Variants in KCNA2 observed in about 807,000 individuals in gnomAD.
KCNA2 encodes potassium channel, voltage gated shaker related subfamily A, member 2.
In KCNA2, 11 loss-of-function variants were observed where a neutral mutation model predicts 33.4. The ratio of observed to expected loss-of-function variants is 0.33; its 90% CI spans 0.21 to 0.55. The LOEUF is 0.55. Among genes scored for constraint, KCNA2 ranks in the 20% least tolerant of loss-of-function variants. KCNA2 has a pLI of 0.93. For missense variants in KCNA2, 291 were observed against 621.6 expected, an observed-to-expected ratio of 0.47 and a Z score of 5.66; for synonymous variants, 222 against 231.3, an observed-to-expected ratio of 0.96 and a Z score of 0.37.
chr1:110,626,041 G>A (rs561611926), intron 1 of KCNA2, among the ~76,000 whole-genome samples: 22 of 152,232 alleles, frequency 1.4e-4, no homozygotes, highest in African/African-American at 5.3e-4. Context: ...GGCCAATTTG[G>A]CAACAGTTTT....
upstream of KCNA2, among the ~76,000 whole-genome samples, chr1:110,611,148 G>C (rs551431587): frequency 2.0e-5 from 3 of 152,318 alleles, no homozygotes; most frequent in Non-Finnish European, 4.4e-5. Flanking sequence ...GAGGTGCATG[G>C]AGAAGCAAAG....
chr1:110,606,977 C>T, upstream of KCNA2: 1 of 152,966 alleles, frequency 6.5e-6, no homozygotes, highest in Non-Finnish European at 1.5e-5. Context: ...CCACCAGCTC[C>T]TCTCCGTGCC....
At chr1:110,628,212 C>A (rs533812042) in intron 1 of KCNA2, among the ~76,000 whole-genome samples, 3 of 152,204 alleles carry the variant, frequency 2.0e-5, no homozygotes, top group Admixed American at 6.5e-5. Flanking sequence ...GGCCAGGAAG[C>A]AGTTCTCCAT....
Position 110,596,959 on chromosome 1 carries a change from G to A in KCNA2, c.*6324C>T. The A allele has an allele frequency of 1.0e-6, 1 of 985,434 alleles. No individual in the cohort carries two copies. The highest frequency in any genetic ancestry group is 1.2e-6 in the Non-Finnish European group (1 of 829,926). 61.0% of individuals were successfully genotyped at this position (985,434 alleles called of 1,614,324 possible). A position where few individuals can be genotyped will look rare whatever the true frequency, so the allele number is the denominator to read the frequency against. ...AAAGGGGACTCTTCTGAAGCCCCTG[G>A]CTATGTGTGCAAATATTTGTGCAGC... On this transcript the variant is annotated 3_prime_UTR_variant, in exon 3 of 3. Coordinates refer to ENST00000316361, the MANE Select transcript of KCNA2 (RefSeq NM_004974.4).
In KCNA2 at chr1:110,594,502, G is replaced by A. The variant is rs146885592; in HGVS notation, c.*8781C>T. The A allele has an allele frequency of 5.6e-5, 55 of 985,204 alleles. No individual in the cohort carries two copies. Among genetic ancestry groups the A allele is most frequent in the East Asian group, 4.5e-4 (4 of 8,804 alleles). The allele number at this position is 985,204 out of a possible 1,614,324, so 61.0% of individuals were successfully genotyped here. On this transcript the variant is annotated 3_prime_UTR_variant, in exon 3 of 3. Transcript: ENST00000316361. The stretch of plus-strand genomic sequence containing the variant: ...TCCTTGATTGCTGGCACCATTAATC[G>A]CAACTGTTCCAAGATTATCCTTAGT...
chr1:110,601,623 G>A lies in KCNA2; in HGVS notation c.*1660C>T, dbSNP rs755218659. On this transcript the variant is annotated 3_prime_UTR_variant, in exon 3 of 3. Coordinates refer to ENST00000316361, the MANE Select transcript of KCNA2 (RefSeq NM_004974.4). Reference sequence around the variant, plus strand: ...TGGAGGGCAGAAAGACAATTCTAACGTCTAGGAATCCATGGATACCGGAGT... The same window carrying A: ...TGGAGGGCAGAAAGACAATTCTAACATCTAGGAATCCATGGATACCGGAGT... 32 of 1,006,032 alleles carry A rather than the reference G, an allele frequency of 3.2e-5. No individual in the cohort carries two copies. Among genetic ancestry groups the A allele is most frequent in the Admixed American group, 1.2e-4 (2 of 17,040 alleles). The allele number at this position is 1,006,032 out of a possible 1,614,324, so 62.3% of individuals were successfully genotyped here. A position where few individuals can be genotyped will look rare whatever the true frequency, so the allele number is the denominator to read the frequency against.
Position 110,596,652 on chromosome 1 carries a change from T to A in KCNA2, c.*6631A>T, listed in dbSNP as rs1649110657. The A allele has an allele frequency of 1.2e-6, 1 of 807,208 alleles. No individual in the cohort carries two copies. The allele number at this position is 807,208 out of a possible 1,614,324, so 50.0% of individuals were successfully genotyped here. On this transcript the variant is annotated 3_prime_UTR_variant, in exon 3 of 3. Coordinates refer to ENST00000316361, the MANE Select transcript of KCNA2 (RefSeq NM_004974.4). ...CAAGGTCCCTGTTATCTTCAAACAC[T>A]CTACTTAACTAAGGCAGGAAAGTTA...
chr1:110,602,194 T>C lies in KCNA2; in HGVS notation c.*1089A>G. ...TCCTGTTTAGAAGAACAGGGATAGG[T>C]AGGCTGGGGGGCCAGAAGTTTTAGT... is the stretch of plus-strand genomic sequence containing the variant. On this transcript the variant is annotated 3_prime_UTR_variant, in exon 3 of 3. Transcript: ENST00000316361. The C allele has an allele frequency of 1.3e-6, 2 of 1,549,722 alleles. No homozygotes were observed. The highest frequency in any genetic ancestry group is 1.7e-6 in the Non-Finnish European group (2 of 1,146,734).
intron 1 of KCNA2, among the ~76,000 whole-genome samples, chr1:110,611,510 C>T (rs1029698902): frequency 2.0e-5 from 3 of 152,140 alleles, no homozygotes; most frequent in Admixed American, 2.0e-4. Flanking sequence ...GGGAGGATTG[C>T]TTGAGGCCAG....
chr1:110,596,347 A>T lies in KCNA2; in HGVS notation c.*6936T>A. ...ATATATACATATACTATATATATAT[A>T]TATACACACATAAATATATGTATAT... On this transcript the variant is annotated 3_prime_UTR_variant, in exon 3 of 3. Coordinates refer to ENST00000316361, the MANE Select transcript of KCNA2 (RefSeq NM_004974.4). 2 of 382,922 alleles carry T rather than the reference A, an allele frequency of 5.2e-6. No individual in the cohort carries two copies. Among genetic ancestry groups the T allele is most frequent in the South Asian group, 1.1e-4 (1 of 9,388 alleles). 23.7% of individuals were successfully genotyped at this position (382,922 alleles called of 1,614,324 possible).
intron 1 of KCNA2, among the ~76,000 whole-genome samples, chr1:110,627,907 G>A (rs1021613150): frequency 3.9e-5 from 6 of 152,096 alleles, no homozygotes; most frequent in Admixed American, 3.3e-4. Context: ...AGGTGGACAG[G>A]AAGTGACATA....
intron 1 of KCNA2, among the ~76,000 whole-genome samples, chr1:110,625,048 T>A (rs1342747655): frequency 6.6e-6 from 1 of 152,228 alleles, no homozygotes; most frequent in East Asian, 1.9e-4. Flanking sequence ...TGGCAACTCT[T>A]CCTTTAGAGT....
In KCNA2 at chr1:110,594,075, C is replaced by G. The variant is rs1054573864; in HGVS notation, c.*9208G>C. The G allele has an allele frequency of 2.1e-6, 3 of 1,444,212 alleles. No individual in the cohort carries two copies. Among genetic ancestry groups the G allele is most frequent in the Admixed American group, 5.4e-5 (2 of 36,994 alleles). 89.5% of individuals were successfully genotyped at this position (1,444,212 alleles called of 1,614,324 possible). On this transcript the variant is annotated 3_prime_UTR_variant, in exon 3 of 3. Transcript: ENST00000316361. ...CAGTTCCCTTTCGGCATCATCCTTA[C>G]GAAGCTTTACCATCAGCCTTGGAGT... is the stretch of plus-strand genomic sequence containing the variant.
intron 1 of KCNA2, among the ~76,000 whole-genome samples, chr1:110,625,890 C>A (rs1437100341): frequency 6.6e-6 from 1 of 152,184 alleles, no homozygotes; most frequent in Admixed American, 6.5e-5. Context: ...TAAGGCTACA[C>A]TGAGACATCA....
upstream of KCNA2, chr1:110,607,794 T>G (rs4839537): frequency 0.23 from 35,699 of 152,212 alleles, 6,671 homozygotes; most frequent in African/African-American, 0.48. Flanking sequence ...TTGTGGTGCC[T>G]CCAGACAGGA....
At position 110,598,176 on chromosome 1, in the gene KCNA2, G is replaced by A; in HGVS notation, c.*5107C>T. The A allele has an allele frequency of 1.6e-6, 1 of 633,200 alleles. No individual in the cohort carries two copies. The highest frequency in any genetic ancestry group is 2.0e-6 in the Non-Finnish European group (1 of 508,508). 39.2% of individuals were successfully genotyped at this position (633,200 alleles called of 1,614,324 possible). ...GGGGAACCTCCATTGTGCAACCAAG[G>A]AGCACCATGGATATTATAGCCCTCG... is the stretch of plus-strand genomic sequence containing the variant. On this transcript the variant is annotated 3_prime_UTR_variant, in exon 3 of 3. Transcript: ENST00000316361.
intron 1 of KCNA2, among the ~76,000 whole-genome samples, chr1:110,619,472 A>G (rs1168270346): frequency 1.3e-5 from 2 of 152,238 alleles, no homozygotes; most frequent in African/African-American, 4.8e-5. Context: ...CAAGGTGGAA[A>G]TCAGCTCTGC....
Position 110,616,948 on chromosome 1 carries a change from A to G in KCNA2, c.-495-11226T>C, listed in dbSNP as rs150557954. Among the ~76,000 whole-genome samples the G allele has an allele frequency of 2.9e-3, 443 of 152,376 alleles. 4 individuals carry two copies. The highest frequency in any genetic ancestry group is 9.9e-3 in the African/African-American group (412 of 41,600). On this transcript the variant is annotated intron_variant, in intron 1 of 4. Transcript: ENST00000369770. Reference sequence around the variant, plus strand: ...GGCTTAAATTGAAGAATAAAGTACAAAAGCACCTAAGAAGAGGAAAGCCTT... The same window carrying G: ...GGCTTAAATTGAAGAATAAAGTACAGAAGCACCTAAGAAGAGGAAAGCCTT...
intron 1 of KCNA2, among the ~76,000 whole-genome samples, chr1:110,612,955 T>C (rs1351519028): frequency 1.3e-5 from 2 of 152,152 alleles, no homozygotes; most frequent in African/African-American, 4.8e-5. Flanking sequence ...TTAGGTGGGG[T>C]GTTTTTCCTC....
Sources: gnomAD v4.1 joint callset for allele counts (sites outside exome capture counted in the v4.1 genomes callset) on GRCh38, gnomAD v4.1.1 for gene constraint, MANE v1.5 for transcripts, NCBI Gene and HGNC (gene_info 2026-07-23, HGNC 2026-07-21) for gene names.